KIAA1217: variants seen among roughly 807,000 people sequenced by gnomAD.
KIAA1217 encodes the protein sickle tail protein homolog.
KIAA1217 carries 88 observed loss-of-function variants against 163.9 expected under a neutral mutation model. The observed-to-expected ratio is 0.54, with a 90% CI of 0.45 to 0.64. The LOEUF is 0.64. Ranked by LOEUF, KIAA1217 falls within the 30% of genes least tolerant of loss-of-function variation. The pLI is 0.00. For synonymous variants in KIAA1217, 903 were observed against 923.1 expected, an observed-to-expected ratio of 0.98 and a Z score of 0.39; for missense variants, 2,372 against 2,475.0, an observed-to-expected ratio of 0.96 and a Z score of 0.88.
rs536330103 is a variant in KIAA1217 at position 24,190,320 on chromosome 10, C to T, written c.-170-29306C>T. Among the ~76,000 whole-genome samples, 4 of 152,130 alleles carry T rather than the reference C, an allele frequency of 2.6e-5. No homozygotes were observed. In the South Asian group the frequency reaches 8.3e-4, roughly 32 times the overall value. ...TATTTTGGGGTAACATGTTTTGCAC[C>T]CCAATGCCCAGAAATAGTAAAACAG... On this transcript the variant is annotated intron_variant, in intron 2 of 18. Transcript: ENST00000376462.
At chr10:24,175,768 G>A (rs138866007) in intron 2 of KIAA1217, among the ~76,000 whole-genome samples, 7,010 of 152,092 alleles carry the variant, frequency 0.046, 520 homozygotes, top group African/African-American at 0.16. Context: ...GCAGACCTTC[G>A]TGGTGAGTGT....
intron 2 of KIAA1217, among the ~76,000 whole-genome samples, chr10:24,163,092 G>A (rs941819925): frequency 6.6e-6 from 1 of 152,178 alleles, no homozygotes; most frequent in Non-Finnish European, 1.5e-5. Context: ...CAGGAAGCAG[G>A]CATCACTGGG....
At chr10:24,172,487 C>A (rs567115033) in intron 2 of KIAA1217, among the ~76,000 whole-genome samples, 1 of 152,158 alleles carries the variant, frequency 6.6e-6, no homozygotes, top group Non-Finnish European at 1.5e-5. Context: ...TGCATCCTAG[C>A]TGAGTTACCT....
chr10:24,232,889 G>A (rs1340103535), intron 2 of KIAA1217, among the ~76,000 whole-genome samples: 3 of 135,958 alleles, frequency 2.2e-5, no homozygotes, highest in African/African-American at 8.1e-5. Context: ...GCTGAGGCAG[G>A]TGGATTGCCA....
chr10:23,702,447 T>A (rs1005809179), intron 1 of KIAA1217, among the ~76,000 whole-genome samples: 1 of 152,190 alleles, frequency 6.6e-6, no homozygotes, highest in East Asian at 1.9e-4. Context: ...ATATGTGGAA[T>A]GTAGGTTTCC....
chr10:23,919,633 G>C (rs1037113323), intron 1 of KIAA1217, among the ~76,000 whole-genome samples: 15 of 138,136 alleles, frequency 1.1e-4, no homozygotes, highest in African/African-American at 4.1e-4. Flanking sequence ...AAAAAAAAAG[G>C]CTCTGCAGAT....
At chr10:23,857,910 T>A (rs1234695873) in intron 1 of KIAA1217, among the ~76,000 whole-genome samples, 2 of 151,892 alleles carry the variant, frequency 1.3e-5, no homozygotes, top group Non-Finnish European at 2.9e-5. Flanking sequence ...GAAAATGCCA[T>A]TTTATTAAGT....
rs565463827 is a variant in KIAA1217, at chr10:24,308,005, G to A, written c.355-72864G>A. 6.6e-5 allele frequency among the ~76,000 whole-genome samples: 10 copies of A among 152,312 alleles called. No individual in the cohort carries two copies. The South Asian group carries it at 1.0e-3, about 16-fold the overall frequency. On this transcript the variant is annotated intron_variant, in intron 2 of 20. Coordinates refer to ENST00000376454, the MANE Select transcript of KIAA1217 (RefSeq NM_019590.5). ...AGCTTTTGATTTCTGGAGCCACATT[G>A]AATGAACTGATTATGTTTAAAATTA... is the stretch of plus-strand genomic sequence containing the variant.
At chr10:23,955,903 A>G (rs1295629839) in intron 1 of KIAA1217, among the ~76,000 whole-genome samples, 1 of 152,186 alleles carries the variant, frequency 6.6e-6, no homozygotes, top group East Asian at 1.9e-4. Context: ...AGTTAAATGG[A>G]CAGAAACAAT....
intron 1 of KIAA1217, among the ~76,000 whole-genome samples, chr10:23,891,228 C>T (rs1171572942): frequency 6.6e-6 from 1 of 151,986 alleles, no homozygotes; most frequent in Non-Finnish European, 1.5e-5. Flanking sequence ...TCTGTTTACA[C>T]TTAATGTACC....
chr10:24,034,158 G>A lies in KIAA1217; in HGVS notation c.-171+26784G>A, dbSNP rs183982934. ...GGAAGAACCCTGTAATATAAACAGC[G>A]TAGTTGCCACAACACCTTTTTCAAA... On this transcript the variant is annotated intron_variant, in intron 2 of 18. Transcript: ENST00000376462. Among the ~76,000 whole-genome samples the A allele has an allele frequency of 3.0e-3, 458 of 152,276 alleles. 5 individuals carry two copies. The highest frequency in any genetic ancestry group is 5.3e-3 in the Non-Finnish European group (362 of 68,034).
chr10:23,734,059 A>G (rs572756315), intron 1 of KIAA1217, among the ~76,000 whole-genome samples: 70 of 152,212 alleles, frequency 4.6e-4, no homozygotes, highest in Middle Eastern at 3.4e-3. Context: ...TAGACATGTG[A>G]ATTATAAAAA....
At chr10:23,740,429 G>A (rs890834109) in intron 1 of KIAA1217, among the ~76,000 whole-genome samples, 4 of 152,104 alleles carry the variant, frequency 2.6e-5, no homozygotes, top group African/African-American at 9.7e-5. Flanking sequence ...TGCAATCATG[G>A]CTCACTGCAG....
chr10:23,963,913 G>A (rs1292884527), intron 1 of KIAA1217, among the ~76,000 whole-genome samples: 1 of 78,268 alleles, frequency 1.3e-5, no homozygotes, highest in Non-Finnish European at 2.6e-5. Context: ...TTTTTTTTTT[G>A]AGACAGAGTC....
intron 2 of KIAA1217, among the ~76,000 whole-genome samples, chr10:24,070,465 T>C (rs1203502954): frequency 6.6e-6 from 1 of 152,236 alleles, no homozygotes; most frequent in African/African-American, 2.4e-5. Flanking sequence ...GGTAATAGAT[T>C]GGTATACAAT....
At chr10:24,352,085 T>C (rs1037075833) in intron 2 of KIAA1217, among the ~76,000 whole-genome samples, 1 of 152,246 alleles carries the variant, frequency 6.6e-6, no homozygotes, top group Non-Finnish European at 1.5e-5. Context: ...GTGTTGGCCG[T>C]CAGCGTGGCA....
chr10:24,263,479 T>A (rs1023557909), intron 2 of KIAA1217, among the ~76,000 whole-genome samples: 3 of 152,224 alleles, frequency 2.0e-5, no homozygotes, highest in Non-Finnish European at 4.4e-5. Context: ...GCATGAATGA[T>A]GTCTTTAGTG....
intron 3 of KIAA1217, among the ~76,000 whole-genome samples, chr10:24,431,146 C>T (rs1407306433): frequency 1.3e-5 from 2 of 152,080 alleles, no homozygotes; most frequent in Non-Finnish European, 2.9e-5. Flanking sequence ...CTTTTGTATC[C>T]CTTATTGTCA....
At chr10:24,026,097 C>A (rs1847929168) in intron 2 of KIAA1217, among the ~76,000 whole-genome samples, 1 of 151,820 alleles carries the variant, frequency 6.6e-6, no homozygotes, top group Non-Finnish European at 1.5e-5. Flanking sequence ...GTTAGAGCAA[C>A]TTTACATTTC....
Sources: gnomAD v4.1 joint callset for allele counts (sites outside exome capture counted in the v4.1 genomes callset) on GRCh38, gnomAD v4.1.1 for gene constraint, MANE v1.5 for transcripts, NCBI Gene and HGNC (gene_info 2026-07-23, HGNC 2026-07-21) for gene names.